The following SUGCT variants were observed in gnomAD, a reference collection of about 807,000 sequenced individuals.
The protein encoded by SUGCT is succinyl-CoA:glutarate CoA-transferase.
A neutral mutation model predicts 55.0 loss-of-function variants in SUGCT; 41 were observed. That is an observed-to-expected ratio of 0.74 (90% CI 0.58 to 0.97). The LOEUF (loss-of-function observed/expected upper bound fraction) is 0.97. Among genes scored for constraint, SUGCT ranks in the 50% least tolerant of loss-of-function variants. The probability of loss-of-function intolerance (pLI) is 0.00; values close to 1 mark genes in which losing one functional copy is unlikely to be tolerated. For missense variants in SUGCT, 568 were observed against 547.8 expected (o/e 1.04, Z -0.37); for synonymous variants, 187 against 200.4 (o/e 0.93, Z 0.56).
At chr7:40,477,583 T>C (rs1790772737) in intron 11 of SUGCT, among the ~76,000 whole-genome samples, 1 of 152,200 alleles carries the variant, frequency 6.6e-6, no homozygotes, top group East Asian at 1.9e-4. Flanking sequence ...TTCATGTTGG[T>C]GTATTATGTA....
At chr7:40,438,074 C>T (rs556440549) in intron 9 of SUGCT, among the ~76,000 whole-genome samples, 2 of 152,096 alleles carry the variant, frequency 1.3e-5, no homozygotes, top group East Asian at 3.9e-4. Context: ...ATGTTTTCAT[C>T]TTTAGTCAGC....
At chr7:40,365,887 T>A (rs1783924288) in intron 9 of SUGCT, among the ~76,000 whole-genome samples, 1 of 152,196 alleles carries the variant, frequency 6.6e-6, no homozygotes, top group South Asian at 2.1e-4. Flanking sequence ...TACCAACGAC[T>A]TTCTTCACAG....
At chr7:40,333,928 G>T (rs879963853) in intron 9 of SUGCT, among the ~76,000 whole-genome samples, 1 of 151,504 alleles carries the variant, frequency 6.6e-6, no homozygotes, top group African/African-American at 2.4e-5. Flanking sequence ...ACAGGCCTCA[G>T]TGGGTGATAG....
intron 13 of SUGCT, among the ~76,000 whole-genome samples, chr7:40,772,899 A>G (rs1789251178): frequency 1.3e-5 from 2 of 152,136 alleles, no homozygotes; most frequent in Admixed American, 1.3e-4. Context: ...TGCTGAGATT[A>G]CAGGTGTAAG....
rs1181677527 is a variant in SUGCT at position 40,227,859 on chromosome 7, G to GTTAT, written c.485-9763_485-9760dup. On this transcript the variant is annotated intron_variant, in intron 6 of 13. Transcript: ENST00000335693. ...CATAATTCCTTTATTTTATTTATTTGTTATTTATTTATTTATATATTTATT... is the reference window on the plus strand; with the variant it reads ...CATAATTCCTTTATTTTATTTATTTGTTATTTATTTATTTATTTATATATTTATT... Among the ~76,000 whole-genome samples the GTTAT allele has an allele frequency of 2.3e-3, 345 of 150,466 alleles. 2 individuals carry two copies. The highest frequency in any genetic ancestry group is 8.0e-3 in the African/African-American group (328 of 41,128).
At chr7:40,916,066 T>TAC in the SUGCT span, among the ~76,000 whole-genome samples, 16 of 90,326 alleles carry the variant, frequency 1.8e-4, no homozygotes, top group African/African-American at 4.9e-4. Flanking sequence ...TCTCTCTCTC[T>TAC]ACATACACAC....
chr7:40,550,636 G>A (rs1277386179), intron 12 of SUGCT, among the ~76,000 whole-genome samples: 1 of 152,154 alleles, frequency 6.6e-6, no homozygotes, highest in Non-Finnish European at 1.5e-5. Flanking sequence ...CATATGCTAT[G>A]GCAAAAGCAT....
At chr7:40,745,208 A>C (rs779227063) in intron 12 of SUGCT, among the ~76,000 whole-genome samples, 1 of 152,102 alleles carries the variant, frequency 6.6e-6, no homozygotes, top group African/African-American at 2.4e-5. Flanking sequence ...TTTGATTTTG[A>C]TATGTGTAAG....
intron 12 of SUGCT, among the ~76,000 whole-genome samples, chr7:40,680,706 C>T (rs774671526): frequency 3.3e-5 from 5 of 152,168 alleles, no homozygotes; most frequent in Non-Finnish European, 5.9e-5. Context: ...CTGGGAATCA[C>T]ATATCCCCTA....
intron 13 of SUGCT, among the ~76,000 whole-genome samples, chr7:40,761,482 C>T (rs532425400): frequency 6.6e-6 from 1 of 152,302 alleles, no homozygotes; most frequent in Admixed American, 6.5e-5. Flanking sequence ...CCCTAGTTTT[C>T]TGAAATAGTA....
chr7:40,771,985 C>T (rs965396338), intron 13 of SUGCT, among the ~76,000 whole-genome samples: 3 of 152,104 alleles, frequency 2.0e-5, no homozygotes, highest in African/African-American at 7.2e-5. Flanking sequence ...TCATCTTGCT[C>T]CTTAAAACTA....
intron 9 of SUGCT, among the ~76,000 whole-genome samples, chr7:40,448,778 G>A (rs774159677): frequency 6.6e-6 from 1 of 152,126 alleles, no homozygotes; most frequent in African/African-American, 2.4e-5. Context: ...CTGGGAGGTG[G>A]AGCAGTAAGC....
rs543877286 is a variant in SUGCT at position 40,394,440 on chromosome 7, A to C, written c.817-54847A>C. On this transcript the variant is annotated intron_variant, in intron 9 of 13. Coordinates refer to ENST00000335693, the MANE Select transcript of SUGCT (RefSeq NM_001193313.2). ...AAATAAATATGCCCATCTTCCAATA[A>C]AATTTTTCTTTGAAATTTTATTATG... Among the ~76,000 whole-genome samples the C allele has an allele frequency of 2.0e-5, 3 of 152,300 alleles. No individual in the cohort carries two copies. In the South Asian group the frequency reaches 6.2e-4, roughly 32 times the overall value.
intron 13 of SUGCT, among the ~76,000 whole-genome samples, chr7:40,766,336 G>A (rs1788789933): frequency 6.6e-6 from 1 of 152,090 alleles, no homozygotes; most frequent in Non-Finnish European, 1.5e-5. Context: ...TCAGCCTCCT[G>A]AGTAGCTGGG....
chr7:40,489,387 A>C (rs1791559160), intron 11 of SUGCT, among the ~76,000 whole-genome samples: 1 of 152,094 alleles, frequency 6.6e-6, no homozygotes, highest in African/African-American at 2.4e-5. Flanking sequence ...CTTCCTTAAA[A>C]CTGCTATTTT....
chr7:40,336,678 G>A (rs1796727096), intron 9 of SUGCT, among the ~76,000 whole-genome samples: 1 of 151,988 alleles, frequency 6.6e-6, no homozygotes, highest in Non-Finnish European at 1.5e-5. Flanking sequence ...TGTCAATTTT[G>A]TTGATCTTTT....
At chr7:40,458,229 G>A (rs1008586526) in intron 10 of SUGCT, among the ~76,000 whole-genome samples, 1 of 152,170 alleles carries the variant, frequency 6.6e-6, no homozygotes, top group African/African-American at 2.4e-5. Flanking sequence ...TCTGTAGGCC[G>A]CATGGCCTGC....
intron 11 of SUGCT, among the ~76,000 whole-genome samples, chr7:40,464,913 A>G (rs1790018686): frequency 2.0e-5 from 3 of 152,266 alleles, no homozygotes; most frequent in African/African-American, 7.2e-5. Flanking sequence ...TTTTATTGGG[A>G]CATAATACCT....
chr7:40,334,151 T>C (rs999970027), intron 9 of SUGCT, among the ~76,000 whole-genome samples: 4 of 152,220 alleles, frequency 2.6e-5, no homozygotes, highest in Admixed American at 6.5e-5. Flanking sequence ...CAGTCTATCA[T>C]TGATGGACCT....
Sources: gnomAD v4.1 joint callset for allele counts (sites outside exome capture counted in the v4.1 genomes callset) on GRCh38, gnomAD v4.1.1 for gene constraint, MANE v1.5 for transcripts, NCBI Gene and HGNC (gene_info 2026-07-23, HGNC 2026-07-21) for gene names.